The following SFTPD variants were observed in gnomAD, a reference collection of about 807,000 sequenced individuals.
SFTPD encodes pulmonary surfactant-associated protein D.
SFTPD carries 18 observed loss-of-function variants against 34.6 expected under a neutral mutation model. That is an observed-to-expected ratio of 0.52 (90% CI 0.36 to 0.77). The LOEUF (loss-of-function observed/expected upper bound fraction) is 0.77, where lower values mean the gene tolerates loss of function less well. Ranked by LOEUF, SFTPD falls within the 30% of genes least tolerant of loss-of-function variation. SFTPD has a pLI of 0.00. For missense variants in SFTPD, 433 were observed against 468.9 expected (o/e 0.92, Z 0.71); for synonymous variants, 155 against 180.9 (o/e 0.86, Z 1.15).
Position 79,942,521 on chromosome 10 carries a change from G to T in SFTPD, c.317-17C>A. ...CTGGAGGTCCTGAGCAAAAGCACCA[G>T]CCCGGTCAGTAACAATGAATCCTCT... On this transcript the variant is annotated splice_polypyrimidine_tract_variant and intron_variant, in intron 3 of 7. Coordinates refer to ENST00000372292, the MANE Select transcript of SFTPD (RefSeq NM_003019.5). The T allele has an allele frequency of 1.3e-6, 2 of 1,517,106 alleles. No individual in the cohort carries two copies. Among genetic ancestry groups the T allele is most frequent in the Non-Finnish European group, 1.8e-6 (2 of 1,091,748 alleles). 94.0% of individuals were successfully genotyped at this position (1,517,106 alleles called of 1,614,324 possible).
Position 79,938,094 on chromosome 10 carries a change from C to T in SFTPD, c.886G>A (p.Glu296Lys). 2 of 1,614,198 alleles carry T rather than the reference C, an allele frequency of 1.2e-6. No homozygotes were observed. Among genetic ancestry groups the T allele is most frequent in the Non-Finnish European group, 1.7e-6 (2 of 1,180,026 alleles). Reference protein sequence around the residue: ...GQLASPRSAAENAALQQLVVA... With the variant: ...GQLASPRSAAKNAALQQLVVA... ...ACCAGCTGTTGCAAGGCGGCATTCT[C>T]AGCGGCAGAGCGTGGAGAGGCCAAC... The change falls in exon 8 of 8, where the codon GAG (glutamate) becomes AAG (lysine). Residue 296 changes from glutamate to lysine, a missense_variant. Glu to Lys is a moderately conservative substitution (Grantham distance 56, BLOSUM62 1). Coordinates refer to ENST00000372292, the MANE Select transcript of SFTPD (RefSeq NM_003019.5).
upstream of SFTPD, among the ~76,000 whole-genome samples, chr10:79,953,707 T>C (rs1371906784): frequency 6.6e-6 from 1 of 152,130 alleles, no homozygotes; most frequent in Non-Finnish European, 1.5e-5. Flanking sequence ...AGTTTAAAGT[T>C]ACTATTTCTT....
intron 1 of SFTPD, among the ~76,000 whole-genome samples, chr10:79,961,661 T>G (rs1172221686): frequency 6.6e-6 from 1 of 152,148 alleles, no homozygotes; most frequent in African/African-American, 2.4e-5. Flanking sequence ...CTGGAGAGGA[T>G]GTAGAGAAAT....
chr10:79,942,212 T>C (rs1215700360), intron 4 of SFTPD, 142 bp from the exon 5 acceptor site: 2 of 754,178 alleles, frequency 2.7e-6, no homozygotes, highest in Non-Finnish European at 4.5e-6. Flanking sequence ...GGGGCTCCTC[T>C]GTGGAGGGTG....
chr10:79,978,006 T>C (rs1842872106), intron 1 of SFTPD, among the ~76,000 whole-genome samples: 1 of 152,252 alleles, frequency 6.6e-6, no homozygotes, highest in Admixed American at 6.5e-5. Context: ...ACAGTAGCAC[T>C]CAAGAACAGG....
chr10:79,965,725 C>G (rs942222844), intron 1 of SFTPD, among the ~76,000 whole-genome samples: 1 of 78,054 alleles, frequency 1.3e-5, no homozygotes, highest in African/African-American at 6.0e-5. Flanking sequence ...AATGCTATCC[C>G]TCCCCCCTCC....
At position 79,944,124 on chromosome 10, in the gene SFTPD, GC is replaced by G. The variant is rs572589737; in HGVS notation, c.200-1246del. Among the ~76,000 whole-genome samples the G allele has an allele frequency of 1.6e-4, 25 of 152,260 alleles. No individual in the cohort carries two copies. In the South Asian group the frequency reaches 2.9e-3, roughly 18 times the overall value. ...GTGCCACCTGAAGTGGAGCTTTATG[GC>G]CCAGCCTTTTGCCTGTTTTGACTCC... On this transcript the variant is annotated intron_variant, in intron 2 of 7. Coordinates refer to ENST00000372292, the MANE Select transcript of SFTPD (RefSeq NM_003019.5).
At chr10:79,951,899 GA>G (rs1401465652), upstream of SFTPD, among the ~76,000 whole-genome samples, 1 of 152,216 alleles carries the variant, frequency 6.6e-6, no homozygotes, top group African/African-American at 2.4e-5. Context: ...GATGGGAGTG[GA>G]AATGGGAGCT....
intron 1 of SFTPD, among the ~76,000 whole-genome samples, chr10:79,960,985 A>G (rs1379010453): frequency 6.6e-6 from 1 of 152,202 alleles, no homozygotes; most frequent in Non-Finnish European, 1.5e-5. Flanking sequence ...CCTCAGAAAT[A>G]ATGCCGCATA....
chr10:79,961,773 A>C (rs1291082160), intron 1 of SFTPD, among the ~76,000 whole-genome samples: 3 of 152,114 alleles, frequency 2.0e-5, no homozygotes, highest in Admixed American at 6.6e-5. Flanking sequence ...ATACCATTTG[A>C]CCCAGCCATC....
At chr10:79,962,420 C>T (rs1194790888) in intron 1 of SFTPD, among the ~76,000 whole-genome samples, 1 of 152,096 alleles carries the variant, frequency 6.6e-6, no homozygotes, top group Non-Finnish European at 1.5e-5. Flanking sequence ...TGTAAATATA[C>T]ACACAAGTGA....
Position 79,937,967 on chromosome 10 carries a change from G to A in SFTPD, c.1013C>T (p.Ala338Val), listed in dbSNP as rs375274535. 7.4e-6 allele frequency: 12 copies of A among 1,613,434 alleles called. No homozygotes were observed. Among genetic ancestry groups the A allele is most frequent in the Non-Finnish European group, 1.0e-5 (12 of 1,179,592 alleles). The stretch of plus-strand genomic sequence containing the variant: ...GCCATCATCGTTGGGCTCCCCTGGG[G>A]CCCAGTTGGAATAGACCAGGGACTC... ...TGESLVYSNW[A>V]PGEPNDDGGS... Residue 338 changes from alanine to valine, a missense_variant, in exon 8 of 8, where the codon GCC (alanine) becomes GTC (valine). By Grantham distance (64) the Ala-to-Val change is moderately conservative (BLOSUM62 0). Transcript: ENST00000372292.
intron 1 of SFTPD, among the ~76,000 whole-genome samples, chr10:79,956,333 C>T (rs796786891): frequency 1.3e-4 from 20 of 152,312 alleles, no homozygotes; most frequent in African/African-American, 3.6e-4. Context: ...GCACCATGCA[C>T]GAGCCAAAGC....
chr10:79,971,467 C>G (rs921317427), intron 1 of SFTPD: 1 of 152,140 alleles, frequency 6.6e-6, no homozygotes, highest in Non-Finnish European at 1.5e-5. Context: ...CATAATTCAG[C>G]AATAAAGCCA....
At chr10:79,951,771 G>A (rs1045951664), upstream of SFTPD, among the ~76,000 whole-genome samples, 1 of 152,168 alleles carries the variant, frequency 6.6e-6, no homozygotes, top group African/African-American at 2.4e-5. Context: ...GCTGGTCTGT[G>A]GATGGCCTGA....
At chr10:79,938,270 T>C (rs373692060) in intron 7 of SFTPD, 42 bp from the exon 8 acceptor site, 22 of 1,545,266 alleles carry the variant, frequency 1.4e-5, no homozygotes, top group Non-Finnish European at 1.9e-5. Flanking sequence ...TGGCATCACC[T>C]GGCCAAAGCT....
upstream of SFTPD, among the ~76,000 whole-genome samples, chr10:79,949,588 G>T (rs1282001912): frequency 3.3e-5 from 5 of 152,238 alleles, no homozygotes; most frequent in African/African-American, 4.8e-5. Context: ...CAGGTAGAGT[G>T]GCTGCAGAGG....
intron 3 of SFTPD, 49 bp downstream of exon 3, chr10:79,942,714 A>T (rs1200247541): frequency 7.8e-7 from 1 of 1,288,982 alleles, no homozygotes; most frequent in South Asian, 1.2e-5. Context: ...ATATCCTTGC[A>T]GCTGCACCAC....
In SFTPD at chr10:79,937,920, T is replaced by G; in HGVS notation, c.1060A>C (p.Ile354Leu). ...TCATTCCACTTGCCATTGGTGAAGA[T>G]CTCCACACAGTCCTCTGACCCGCCA... is the stretch of plus-strand genomic sequence containing the variant. ...DDGGSEDCVE[I>L]FTNGKWNDRA... The change falls in exon 8 of 8, where the codon ATC becomes CTC. Residue 354 changes from isoleucine to leucine, a missense_variant. By Grantham distance (5) the Ile-to-Leu change is conservative. Transcript: ENST00000372292. 6.2e-7 allele frequency: 1 copy of G among 1,604,452 alleles called. No individual in the cohort carries two copies. Among genetic ancestry groups the G allele is most frequent in the Non-Finnish European group, 8.5e-7 (1 of 1,173,764 alleles).
Sources: allele counts gnomAD v4.1 joint callset (sites outside exome capture counted in the v4.1 genomes callset), GRCh38; gene constraint gnomAD v4.1.1; transcripts MANE v1.5; gene names NCBI Gene and HGNC (gene_info 2026-07-23, HGNC 2026-07-21).